Variants in RASAL2 observed in about 807,000 individuals in gnomAD.
The protein encoded by RASAL2 is ras GTPase-activating protein nGAP.
A neutral mutation model predicts 128.9 loss-of-function variants in RASAL2; 58 were observed. The ratio of observed to expected loss-of-function variants is 0.45; its 90% CI spans 0.36 to 0.56. The LOEUF (loss-of-function observed/expected upper bound fraction) is 0.56. Ranked by LOEUF, RASAL2 falls within the 20% of genes least tolerant of loss-of-function variation. The pLI, the probability that RASAL2 is intolerant of heterozygous loss-of-function variation, is 0.00. For synonymous variants in RASAL2, 561 were observed against 580.8 expected (o/e 0.97, Z 0.49); for missense variants, 1,360 against 1,601.6 (o/e 0.85, Z 2.57).
chr1:178,260,366 ATAT>A lies in RASAL2; in HGVS notation c.203-23197_203-23195del, dbSNP rs1557861615. 1.1e-3 allele frequency among the ~76,000 whole-genome samples: 21 copies of A among 19,294 alleles called. 1 individual carries two copies. Among genetic ancestry groups the A allele is most frequent in the African/African-American group, 2.9e-3 (14 of 4,840 alleles). 12.7% of individuals were successfully genotyped at this position (19,294 alleles called of 152,430 possible). A position where few individuals can be genotyped will look rare whatever the true frequency, so the allele number is the denominator to read the frequency against. On this transcript the variant is annotated intron_variant, in intron 1 of 17. Coordinates refer to ENST00000367649, the MANE Select transcript of RASAL2 (RefSeq NM_170692.4). The stretch of plus-strand genomic sequence containing the variant: ...GACTCGTCTCAAAAAAAAAAAAAAT[ATAT>A]ATATATATATATATATATATATATA...
chr1:178,377,174 A>T (rs2102545441), intron 3 of RASAL2, among the ~76,000 whole-genome samples: 1 of 152,174 alleles, frequency 6.6e-6, no homozygotes, highest in East Asian at 1.9e-4. Context: ...TTTCTAAATG[A>T]CTCTGTTGAC....
rs567222588 is a variant in RASAL2, at chr1:178,178,149, TA to T, written c.202+83462del. Among the ~76,000 whole-genome samples, 6 of 152,166 alleles carry T rather than the reference TA, an allele frequency of 3.9e-5. No homozygotes were observed. The South Asian group carries it at 1.2e-3, about 32-fold the overall frequency. On this transcript the variant is annotated intron_variant, in intron 1 of 17. Transcript: ENST00000367649. ...CAAACATTTAGACGTAAGATCACCA[TA>T]AAAAAATTCAATAGGAATAATAAAT...
At chr1:178,240,610 G>A (rs1414730274) in intron 1 of RASAL2, among the ~76,000 whole-genome samples, 3 of 151,826 alleles carry the variant, frequency 2.0e-5, no homozygotes, top group Admixed American at 1.3e-4. Context: ...ATGTATACAT[G>A]TGTTGCTGGA....
At chr1:178,223,461 C>T (rs1011753289) in intron 1 of RASAL2, among the ~76,000 whole-genome samples, 3 of 151,994 alleles carry the variant, frequency 2.0e-5, no homozygotes, top group African/African-American at 7.3e-5. Context: ...AGCAAGAGCC[C>T]TGTGGTGGGA....
intron 1 of RASAL2, among the ~76,000 whole-genome samples, chr1:178,247,728 A>C (rs1340979539): frequency 6.6e-6 from 1 of 152,138 alleles, no homozygotes; most frequent in Non-Finnish European, 1.5e-5. Context: ...TTCCCTCTTA[A>C]CACTGCCTTA....
At chr1:178,121,897 C>T (rs1447040966) in intron 1 of RASAL2, among the ~76,000 whole-genome samples, 2 of 152,150 alleles carry the variant, frequency 1.3e-5, no homozygotes, top group Non-Finnish European at 2.9e-5. Context: ...AAAAACCTAA[C>T]CCCACTTTTT....
chr1:178,174,983 CTAAGA>C (rs1661834591), intron 1 of RASAL2, among the ~76,000 whole-genome samples: 1 of 152,080 alleles, frequency 6.6e-6, no homozygotes, highest in South Asian at 2.1e-4. Flanking sequence ...CTGTAATGTA[CTAAGA>C]TGAGATAGAA....
chr1:178,157,220 C>T (rs951660583), intron 1 of RASAL2, among the ~76,000 whole-genome samples: 3 of 152,150 alleles, frequency 2.0e-5, no homozygotes, highest in Non-Finnish European at 4.4e-5. Flanking sequence ...TGCCCTAGAC[C>T]ACTGACAGTG....
intron 3 of RASAL2, among the ~76,000 whole-genome samples, chr1:178,326,291 A>G (rs1557903761): frequency 6.6e-6 from 1 of 152,220 alleles, no homozygotes; most frequent in Non-Finnish European, 1.5e-5. Context: ...CCATCAGGGA[A>G]TAAGAGAATA....
chr1:178,131,912 T>G (rs912490944), intron 1 of RASAL2, among the ~76,000 whole-genome samples: 22 of 152,316 alleles, frequency 1.4e-4, no homozygotes, highest in African/African-American at 5.3e-4. Flanking sequence ...ATGGTGCAAC[T>G]GTTTATCCCT....
chr1:178,163,922 T>C (rs145816478), intron 1 of RASAL2, among the ~76,000 whole-genome samples: 135 of 152,318 alleles, frequency 8.9e-4, no homozygotes, highest in African/African-American at 2.7e-3. Context: ...TCTTTTCATT[T>C]ATTTACGTTT....
In RASAL2 at chr1:178,365,565, G is replaced by A. The variant is rs563415417; in HGVS notation, c.458-24535G>A. 7.2e-5 allele frequency among the ~76,000 whole-genome samples: 11 copies of A among 152,142 alleles called. No individual in the cohort carries two copies. The South Asian group carries it at 8.3e-4, about 12-fold the overall frequency. ...AGGCTCACTGCAACCTCTGCCTCCC[G>A]GCATCAAGTGATTCTCCTGCCTCAG... On this transcript the variant is annotated intron_variant, in intron 3 of 17. Transcript: ENST00000367649.
At chr1:178,421,536 A>G (rs183435768) in intron 5 of RASAL2, among the ~76,000 whole-genome samples, 3 of 150,626 alleles carry the variant, frequency 2.0e-5, no homozygotes, top group African/African-American at 7.3e-5. Context: ...ATAGATGAGG[A>G]ACTGAGGCAT....
intron 4 of RASAL2, among the ~76,000 whole-genome samples, chr1:178,398,861 T>G (rs1380771990): frequency 6.6e-6 from 1 of 152,138 alleles, no homozygotes; most frequent in African/African-American, 2.4e-5. Flanking sequence ...CCAGCCCCAC[T>G]GCCATTTACT....
chr1:178,322,085 G>A lies in RASAL2; in HGVS notation c.457+21967G>A, dbSNP rs1278785841. On this transcript the variant is annotated intron_variant, in intron 3 of 17. Transcript: ENST00000367649. ...TCACCTCAAGTGATACTCCCACCTC[G>A]GCCTCCCAAAGTGCTGGGAATACAG... 3.3e-5 allele frequency among the ~76,000 whole-genome samples: 5 copies of A among 151,628 alleles called. No homozygotes were observed. The South Asian group carries it at 6.3e-4, about 19-fold the overall frequency.
At chr1:178,464,225 A>G (rs913166618) in intron 14 of RASAL2, 53 bp from the exon 15 acceptor site, 5 of 1,525,922 alleles carry the variant, frequency 3.3e-6, no homozygotes, top group Non-Finnish European at 4.4e-6. Context: ...TTTGTGAAAC[A>G]TAGCACACGG....
At position 178,181,932 on chromosome 1, in the gene RASAL2, T is replaced by C. The variant is rs529187140; in HGVS notation, c.202+87238T>C. ...TGTTGATCACCTTGTTGAGATAGTG[T>C]TTGCTAGGTTTCTCTGCTGTAAAGT... On this transcript the variant is annotated intron_variant, in intron 1 of 17. Coordinates refer to ENST00000367649, the MANE Select transcript of RASAL2 (RefSeq NM_170692.4). Among the ~76,000 whole-genome samples the C allele has an allele frequency of 5.9e-5, 9 of 152,304 alleles. No individual in the cohort carries two copies. The South Asian group carries it at 1.2e-3, about 21-fold the overall frequency.
chr1:178,378,153 C>A (rs962567288), intron 3 of RASAL2, among the ~76,000 whole-genome samples: 1 of 148,876 alleles, frequency 6.7e-6, no homozygotes. Context: ...TTTTTTAATG[C>A]TATGAATGAG....
chr1:178,389,020 G>A (rs936052897), intron 3 of RASAL2, among the ~76,000 whole-genome samples: 2 of 152,264 alleles, frequency 1.3e-5, no homozygotes, highest in Admixed American at 6.5e-5. Context: ...GAGAAAAAAC[G>A]CTCTCTCTTA....
Sources: allele counts gnomAD v4.1 joint callset (sites outside exome capture counted in the v4.1 genomes callset), GRCh38; gene constraint gnomAD v4.1.1; transcripts MANE v1.5; gene names NCBI Gene and HGNC (gene_info 2026-07-23, HGNC 2026-07-21).